Variants in DOCK10 observed in about 807,000 individuals in gnomAD.
DOCK10 encodes dedicator of cytokinesis protein 10.
A neutral mutation model predicts 280.1 loss-of-function variants in DOCK10; 145 were observed. The observed-to-expected ratio is 0.52, with a 90% CI of 0.45 to 0.59. The LOEUF (loss-of-function observed/expected upper bound fraction) is 0.59, where lower values mean the gene tolerates loss of function less well. DOCK10 is among the 20% of genes least tolerant of loss of function. DOCK10 has a pLI of 0.00. For missense variants in DOCK10, 2,368 were observed against 2,651.7 expected, an observed-to-expected ratio of 0.89 and a Z score of 2.35; for synonymous variants, 915 against 942.2, an observed-to-expected ratio of 0.97 and a Z score of 0.53.
intron 1 of DOCK10, among the ~76,000 whole-genome samples, chr2:225,039,332 C>T (rs1306736330): frequency 6.6e-6 from 1 of 152,206 alleles, no homozygotes; most frequent in Admixed American, 6.5e-5. Flanking sequence ...ATTATGAGAA[C>T]TTGACATGAT....
At chr2:224,999,449 CCCTCCCTCCCTTCCTG>C (rs199704086) in intron 1 of DOCK10, among the ~76,000 whole-genome samples, 8,970 of 150,022 alleles carry the variant, frequency 0.06, 417 homozygotes, top group African/African-American at 0.13. Context: ...TAGCTTTCTT[CCCTCCCTCCCTTCCTG>C]CCTCCCTCCC....
chr2:224,918,584 G>A (rs1701474473), intron 2 of DOCK10, among the ~76,000 whole-genome samples: 1 of 148,870 alleles, frequency 6.7e-6, no homozygotes. Flanking sequence ...TGTGTATGTG[G>A]TATGAGTGTG....
At chr2:224,932,729 A>T (rs1702464258) in intron 1 of DOCK10, among the ~76,000 whole-genome samples, 2 of 152,002 alleles carry the variant, frequency 1.3e-5, no homozygotes, top group Non-Finnish European at 2.9e-5. Flanking sequence ...CCTTCCCCAC[A>T]CTCACACATG....
At chr2:224,799,439 C>CT in intron 41 of DOCK10, among the ~76,000 whole-genome samples, 1 of 152,150 alleles carries the variant, frequency 6.6e-6, no homozygotes, top group East Asian at 1.9e-4. Context: ...TTTGTAGTTT[C>CT]TTTTTTTGCT....
rs954476978 is a variant in DOCK10 at position 224,802,209 on chromosome 2, T to A, written c.4269-169A>T. On this transcript the variant is annotated intron_variant, in intron 39 of 55. Coordinates refer to ENST00000258390, the MANE Select transcript of DOCK10 (RefSeq NM_014689.3). ...AGGTGACATGATGAGAGAGACTTTT[T>A]AAAGTACTTTTGGAGAAATTTTATT... 3.3e-5 allele frequency among the ~76,000 whole-genome samples: 5 copies of A among 152,224 alleles called. No homozygotes were observed. In the South Asian group the frequency reaches 1.0e-3, roughly 31 times the overall value.
intron 1 of DOCK10, among the ~76,000 whole-genome samples, chr2:225,040,905 G>A (rs1690402001): frequency 1.3e-5 from 2 of 152,118 alleles, no homozygotes; most frequent in South Asian, 4.1e-4. Context: ...AAATGTGCAC[G>A]CTGATAGCAG....
chr2:224,829,183 A>G (rs1180142013), intron 27 of DOCK10, among the ~76,000 whole-genome samples: 1 of 152,258 alleles, frequency 6.6e-6, no homozygotes, highest in African/African-American at 2.4e-5. Context: ...AGAAATGAAA[A>G]GCATCACCAT....
intron 31 of DOCK10, among the ~76,000 whole-genome samples, chr2:224,813,296 A>G (rs6719348): frequency 0.26 from 39,807 of 152,080 alleles, 8,394 homozygotes; most frequent in African/African-American, 0.59. Context: ...CCAGGGTTCA[A>G]GCGATTATTG....
rs764613727 is a variant in DOCK10 at position 224,874,349 on chromosome 2, A to G, written c.1018T>C (p.Tyr340His). Residue 340 changes from tyrosine to histidine, a missense_variant and splice_region_variant, in exon 10 of 56, where the codon TAC (tyrosine) becomes CAC (histidine). This residue lies in a region of DOCK10 where 1,209 missense variants were observed against 1,250.9 expected (regional missense o/e 0.97). Transcript: ENST00000258390. ...ACAGTATCTTCTGTTTCTGTGAGGT[A>G]CTACAGAGAAAATTGTGTTAGTCCT... ...ENNLHADFAKYLTETEDTVKT... is the reference protein window; with the variant it reads ...ENNLHADFAKHLTETEDTVKT... 5.6e-6 allele frequency: 9 copies of G among 1,607,544 alleles called. No individual in the cohort carries two copies. In the Admixed American group the frequency reaches 1.3e-4, roughly 24 times the overall value.
chr2:224,981,594 T>C (rs912052487), intron 1 of DOCK10, among the ~76,000 whole-genome samples: 1 of 152,218 alleles, frequency 6.6e-6, no homozygotes, highest in Non-Finnish European at 1.5e-5. Flanking sequence ...AAGGAAAACA[T>C]TGTTTATTAC....
intron 31 of DOCK10, 115 bp downstream of exon 31, chr2:224,814,205 A>G (rs1310549929): frequency 6.1e-6 from 3 of 495,094 alleles, no homozygotes; most frequent in Non-Finnish European, 1.0e-5. Context: ...TATTTTTATC[A>G]TATGATATTA....
intron 50 of DOCK10, among the ~76,000 whole-genome samples, chr2:224,783,108 C>A (rs1691470520): frequency 6.6e-6 from 1 of 152,264 alleles, no homozygotes; most frequent in East Asian, 1.9e-4. Flanking sequence ...TGAATCTCAT[C>A]TGAGCAATGA....
Position 224,874,021 on chromosome 2 carries a change from TCCGTAA to T in DOCK10, c.1226_1231del (p.Val409_Thr410del), listed in dbSNP as rs1383267680. ...ATTCGTTATCGGATCATTTTCATTC[TCCGTAA>T]CACATCCCTGAAGATTTGAGTTGAG... On this transcript the variant is annotated inframe_deletion, in exon 11 of 56. Transcript: ENST00000258390. 1.2e-6 allele frequency: 2 copies of T among 1,612,072 alleles called. No homozygotes were observed. Among genetic ancestry groups the T allele is most frequent in the Non-Finnish European group, 8.5e-7 (1 of 1,179,494 alleles).
At chr2:224,795,244 A>G (rs569379470) in intron 44 of DOCK10, 150 bp from the exon 45 acceptor site, 11 of 659,144 alleles carry the variant, frequency 1.7e-5, no homozygotes, top group African/African-American at 1.5e-4. Flanking sequence ...TGTGCATTCT[A>G]TGTTTTGTGA....
chr2:224,802,188 G>A, intron 39 of DOCK10, 148 bp from the exon 40 acceptor site: 1 of 835,974 alleles, frequency 1.2e-6, no homozygotes, highest in South Asian at 2.0e-5. Context: ...AATTATAGGT[G>A]ACATGATGAG....
chr2:224,964,548 A>T (rs1262677481), intron 1 of DOCK10, among the ~76,000 whole-genome samples: 1 of 151,048 alleles, frequency 6.6e-6, no homozygotes, highest in Non-Finnish European at 1.5e-5. Flanking sequence ...CCCATCACCC[A>T]GTCTGGAGTT....
intron 1 of DOCK10, among the ~76,000 whole-genome samples, chr2:225,033,448 G>T (rs1330227675): frequency 1.3e-5 from 2 of 152,138 alleles, no homozygotes; most frequent in Non-Finnish European, 2.9e-5. Context: ...CTCCCAAAGT[G>T]CTGGGATTAC....
At chr2:224,852,494 T>C in intron 17 of DOCK10, 52 bp from the exon 18 acceptor site, 3 of 1,454,358 alleles carry the variant, frequency 2.1e-6, no homozygotes, top group South Asian at 1.2e-5. Context: ...TCAAATAACA[T>C]AAAAAACCCA....
chr2:224,910,829 T>C lies in DOCK10; in HGVS notation c.333+5866A>G, dbSNP rs1700967547. Reference sequence around the variant, plus strand: ...GTAAGCAGGGCTTATCTTCTTCCCATCCTATGAAGCACAGGTTTCACTTTA... The same window carrying C: ...GTAAGCAGGGCTTATCTTCTTCCCACCCTATGAAGCACAGGTTTCACTTTA... On this transcript the variant is annotated intron_variant, in intron 3 of 55. Coordinates refer to ENST00000258390, the MANE Select transcript of DOCK10 (RefSeq NM_014689.3). Among the ~76,000 whole-genome samples the C allele has an allele frequency of 2.0e-5, 3 of 152,202 alleles. No homozygotes were observed. The South Asian group carries it at 6.2e-4, about 32-fold the overall frequency.
Sources: allele counts gnomAD v4.1 joint callset (sites outside exome capture counted in the v4.1 genomes callset), GRCh38; gene constraint gnomAD v4.1.1; regional missense constraint gnomAD v4.1.1; transcripts MANE v1.5; gene names NCBI Gene and HGNC (gene_info 2026-07-23, HGNC 2026-07-21).